Variants in KCNQ1 observed in about 807,000 individuals in gnomAD.
The protein encoded by KCNQ1 is potassium voltage-gated channel subfamily KQT member 1.
KCNQ1 carries 49 observed loss-of-function variants against 72.4 expected under a neutral mutation model. That is an observed-to-expected ratio of 0.68 (90% confidence interval 0.54 to 0.86). The LOEUF (loss-of-function observed/expected upper bound fraction) is 0.86, where lower values mean the gene tolerates loss of function less well. Ranked by LOEUF, KCNQ1 falls within the 40% of genes least tolerant of loss-of-function variation. The pLI, the probability that KCNQ1 is intolerant of heterozygous loss-of-function variation, is 0.00. For missense variants in KCNQ1, 790 were observed against 945.1 expected (o/e 0.84, Z 2.15); for synonymous variants, 450 against 412.6 (o/e 1.09, Z -1.10).
At chr11:2,596,141 AATT>A (rs1353325503) in intron 10 of KCNQ1, among the ~76,000 whole-genome samples, 1 of 152,226 alleles carries the variant, frequency 6.6e-6, no homozygotes, top group Non-Finnish European at 1.5e-5. Flanking sequence ...ACCACGGCCC[AATT>A]ATTATATTAT....
intron 10 of KCNQ1, chr11:2,615,182 C>T: frequency 2.5e-6 from 1 of 398,042 alleles, no homozygotes; most frequent in Admixed American, 4.4e-5. Context: ...TAAAAATTGA[C>T]TTCCTTCTTG....
chr11:2,654,319 G>A lies in KCNQ1; in HGVS notation c.1394-7642G>A. On this transcript the variant is annotated intron_variant, in intron 10 of 15. Coordinates refer to ENST00000155840, the MANE Select transcript of KCNQ1 (RefSeq NM_000218.3). This position sits in a 1 kb window ranked among gnomAD's most constrained non-coding sequence, Gnocchi z 6.4. ...AGGGGGAGATTTCTTGAGGGGGCCAGGGAGGGGGCTTCTACTTGCAAAGGA... is the reference window on the plus strand; with the variant it reads ...AGGGGGAGATTTCTTGAGGGGGCCAAGGAGGGGGCTTCTACTTGCAAAGGA... The A allele has an allele frequency of 2.5e-6, 1 of 398,932 alleles. No homozygotes were observed. The highest frequency in any genetic ancestry group is 4.4e-6 in the Non-Finnish European group (1 of 226,322). The allele number at this position is 398,932 out of a possible 1,614,324, so 24.7% of individuals were successfully genotyped here.
intron 11 of KCNQ1, among the ~76,000 whole-genome samples, chr11:2,701,082 G>A (rs1298828291): frequency 1.3e-5 from 2 of 152,140 alleles, no homozygotes; most frequent in African/African-American, 4.8e-5. Context: ...GAGGAAGGGG[G>A]AGGCTGGAGC....
intron 15 of KCNQ1, among the ~76,000 whole-genome samples, chr11:2,810,874 G>A (rs1847470977): frequency 6.6e-6 from 1 of 152,220 alleles, no homozygotes. Context: ...AGGGCTGGCA[G>A]CCGGGAGTCC....
rs1847970707 is a variant in KCNQ1, at chr11:2,550,712, G to C, written c.478-19916G>C. Among the ~76,000 whole-genome samples the C allele has an allele frequency of 6.6e-6, 1 of 152,194 alleles. No individual in the cohort carries two copies. The highest frequency in any genetic ancestry group is 2.4e-5 in the African/African-American group (1 of 41,436). The stretch of plus-strand genomic sequence containing the variant: ...GATGTAGGGTCAGGGGCTTCTGGAA[G>C]GAGCCTCACAGGAAGGGCAGGGCAG... On this transcript the variant is annotated intron_variant, in intron 2 of 15. Coordinates refer to ENST00000155840, the MANE Select transcript of KCNQ1 (RefSeq NM_000218.3). This position sits in a 1 kb window ranked among gnomAD's most constrained non-coding sequence, Gnocchi z 6.0.
rs1186234249 is a variant in KCNQ1 at position 2,515,584 on chromosome 11, T to TG, written c.387-12338dup. Among the ~76,000 whole-genome samples the TG allele has an allele frequency of 2.0e-5, 3 of 151,810 alleles. No homozygotes were observed. The highest frequency in any genetic ancestry group is 2.9e-5 in the Non-Finnish European group (2 of 67,946). ...AGGCAGAGCCTCGCCATTTCTGGGGTGGGGGGTGCACAGGTGCATCTGGTC... is the reference window on the plus strand; with the variant it reads ...AGGCAGAGCCTCGCCATTTCTGGGGTGGGGGGGTGCACAGGTGCATCTGGTC... On this transcript the variant is annotated intron_variant, in intron 1 of 15. Coordinates refer to ENST00000155840, the MANE Select transcript of KCNQ1 (RefSeq NM_000218.3). The surrounding 1 kb of genome is among the most constrained non-coding windows in gnomAD (Gnocchi z 4.7).
intron 11 of KCNQ1, chr11:2,672,635 A>G: frequency 2.5e-6 from 1 of 398,668 alleles, no homozygotes. Flanking sequence ...ACTCTGGGTA[A>G]ATGGAAGCAC....
rs1846526613 is a variant in KCNQ1, at chr11:2,767,936, GC to G, written c.1515-903del. Among the ~76,000 whole-genome samples the G allele has an allele frequency of 7.9e-5, 12 of 152,290 alleles. No individual in the cohort carries two copies. The South Asian group carries it at 2.5e-3, about 32-fold the overall frequency. ...CACATTTTTATCACTAGCCCACTGG[GC>G]CCCCACCCTGTTGGGTGTCAGTGCT... On this transcript the variant is annotated intron_variant, in intron 11 of 15. Coordinates refer to ENST00000155840, the MANE Select transcript of KCNQ1 (RefSeq NM_000218.3). The surrounding 1 kb of genome is among the most constrained non-coding windows in gnomAD (Gnocchi z 4.6).
At position 2,458,512 on chromosome 11, in the gene KCNQ1, G is replaced by C. The variant is rs139648344; in HGVS notation, c.386+13028G>C. Among the ~76,000 whole-genome samples, 231 of 152,346 alleles carry C rather than the reference G, an allele frequency of 1.5e-3. 1 individual carries two copies. The Middle Eastern group carries it at 0.027, about 18-fold the overall frequency. ...GGCAGTGCTGCTGAAGTCCTGCCAG[G>C]CTCCAGCTCCTGGTGAGGTCAGGGA... On this transcript the variant is annotated intron_variant, in intron 1 of 15. Transcript: ENST00000155840. This position sits in a 1 kb window ranked among gnomAD's most constrained non-coding sequence, Gnocchi z 4.6.
rs1850593732 is a variant in KCNQ1, at chr11:2,691,835, G to A, written c.1514+29754G>A. On this transcript the variant is annotated intron_variant, in intron 11 of 15. Transcript: ENST00000155840. The surrounding 1 kb of genome is among the most constrained non-coding windows in gnomAD (Gnocchi z 6.4). Reference sequence around the variant, plus strand: ...CTGGATCCAATGTGACCTCTGCCAGGACCATGACCCCTAGGTCCTCTTTTC... The same window carrying A: ...CTGGATCCAATGTGACCTCTGCCAGAACCATGACCCCTAGGTCCTCTTTTC... 2.5e-6 allele frequency: 1 copy of A among 398,532 alleles called. No individual in the cohort carries two copies. The highest frequency in any genetic ancestry group is 4.4e-6 in the Non-Finnish European group (1 of 226,122). The allele number at this position is 398,532 out of a possible 1,614,324, so 24.7% of individuals were successfully genotyped here. A position where few individuals can be genotyped will look rare whatever the true frequency, so the allele number is the denominator to read the frequency against.
rs16928622 is a variant in KCNQ1, at chr11:2,747,943, G to A, written c.1515-20901G>A. Among the ~76,000 whole-genome samples, 1,108 of 152,248 alleles carry A rather than the reference G, an allele frequency of 7.3e-3. 41 individuals are homozygous for A. Among genetic ancestry groups the A allele is most frequent in the East Asian group, 0.06 (309 of 5,162 alleles). ...TGTGTTTCAAAACAATCCCTCTGGCGTGAAGCAAGCCGTCTTGAAAACAGA... is the reference window on the plus strand; with the variant it reads ...TGTGTTTCAAAACAATCCCTCTGGCATGAAGCAAGCCGTCTTGAAAACAGA... On this transcript the variant is annotated intron_variant, in intron 11 of 15. Transcript: ENST00000155840.
rs1017968339 is a variant in KCNQ1, at chr11:2,703,917, C to A, written c.1514+41836C>A. On this transcript the variant is annotated intron_variant, in intron 11 of 15. Coordinates refer to ENST00000155840, the MANE Select transcript of KCNQ1 (RefSeq NM_000218.3). This position sits in a 1 kb window ranked among gnomAD's most constrained non-coding sequence, Gnocchi z 6.4. ...GCCCAGGGCCACGTGGCAGCCTCCG[C>A]AGTCCATCTGAAGAAAGGCCCCACC... Among the ~76,000 whole-genome samples the A allele has an allele frequency of 6.6e-6, 1 of 152,190 alleles. No homozygotes were observed. Among genetic ancestry groups the A allele is most frequent in the Non-Finnish European group, 1.5e-5 (1 of 68,034 alleles).
intron 11 of KCNQ1, among the ~76,000 whole-genome samples, chr11:2,707,547 A>G (rs1317187738): frequency 1.3e-5 from 2 of 151,664 alleles, no homozygotes; most frequent in Non-Finnish European, 2.9e-5. Context: ...GAGACCTGCC[A>G]GGCTCTCAGA....
chr11:2,582,116 A>T (rs1205823398), intron 6 of KCNQ1, among the ~76,000 whole-genome samples: 1 of 152,156 alleles, frequency 6.6e-6, no homozygotes, highest in Non-Finnish European at 1.5e-5. Flanking sequence ...TAACGTGCTC[A>T]TCGGTACAGC....
chr11:2,801,587 C>T (rs898689171), intron 15 of KCNQ1, among the ~76,000 whole-genome samples: 3 of 152,230 alleles, frequency 2.0e-5, no homozygotes, highest in Admixed American at 1.3e-4. Flanking sequence ...CAAGGCCCTG[C>T]CTTCACAGTC....
chr11:2,741,886 C>T (rs1846058245), intron 11 of KCNQ1, among the ~76,000 whole-genome samples: 2 of 152,224 alleles, frequency 1.3e-5, no homozygotes, highest in South Asian at 4.1e-4. Flanking sequence ...TCTGCCACCC[C>T]AGGCAGGGCC....
At chr11:2,587,766 A>C (rs1340531227) in intron 9 of KCNQ1, 74 bp downstream of exon 9, 5 of 1,601,160 alleles carry the variant, frequency 3.1e-6, no homozygotes, top group Non-Finnish European at 4.3e-6. Context: ...CCGCAGCACG[A>C]GGCTGGGATC....
intron 10 of KCNQ1, chr11:2,610,747 CT>C: frequency 4.6e-6 from 1 of 216,934 alleles, no homozygotes; most frequent in Non-Finnish European, 7.5e-6. Flanking sequence ...TTTTTTTTTA[CT>C]TTGAGCACTT....
rs1008947053 is a variant in KCNQ1, at chr11:2,826,837, C to G, written c.1795-20930C>G. Among the ~76,000 whole-genome samples, 1 of 152,326 alleles carries G rather than the reference C, an allele frequency of 6.6e-6. No homozygotes were observed. The highest frequency in any genetic ancestry group is 2.4e-5 in the African/African-American group (1 of 41,572). ...CCATATGCTCACAGCCAGAGAGACA[C>G]ACAGGCCAGCAGCCTGTAAACCACT... On this transcript the variant is annotated intron_variant, in intron 15 of 15. Transcript: ENST00000155840. This position sits in a 1 kb window ranked among gnomAD's most constrained non-coding sequence, Gnocchi z 4.2.
Sources: gnomAD v4.1 joint callset for allele counts (sites outside exome capture counted in the v4.1 genomes callset) on GRCh38, gnomAD v4.1.1 for gene constraint, Gnocchi (gnomAD v3.1) non-coding constraint, MANE v1.5 for transcripts, NCBI Gene and HGNC (gene_info 2026-07-23, HGNC 2026-07-21) for gene names.